CHSY1: variants seen among roughly 807,000 people sequenced by gnomAD.
CHSY1 encodes N-acetylgalactosaminyl-proteoglycan 3-beta-glucuronosyltransferase 1.
In CHSY1, 13 loss-of-function variants were observed where a neutral mutation model predicts 59.8. The ratio of observed to expected loss-of-function variants is 0.22; its 90% confidence interval spans 0.14 to 0.35. CHSY1 has a LOEUF of 0.35. Among genes scored for constraint, CHSY1 ranks in the 10% least tolerant of loss-of-function variants. The pLI, the probability that CHSY1 is intolerant of heterozygous loss-of-function variation, is 1.00. For missense variants in CHSY1, 947 were observed against 1,030.6 expected, an observed-to-expected ratio of 0.92 and a Z score of 1.11; for synonymous variants, 459 against 401.2, an observed-to-expected ratio of 1.14 and a Z score of -1.72.
At chr15:101,245,045 G>A (rs1438119310) in intron 1 of CHSY1, among the ~76,000 whole-genome samples, 1 of 152,184 alleles carries the variant, frequency 6.6e-6, no homozygotes, top group Admixed American at 6.5e-5. Flanking sequence ...GCTCTAGCTA[G>A]GTACCGGTAC....
intron 2 of CHSY1, among the ~76,000 whole-genome samples, chr15:101,190,435 GGAA>G: frequency 6.6e-6 from 1 of 152,188 alleles, no homozygotes. Flanking sequence ...TCCAAATGCA[GGAA>G]GATGAAACGA....
chr15:101,251,143 G>C lies in CHSY1; in HGVS notation c.314C>G (p.Ala105Gly). The C allele has an allele frequency of 6.3e-7, 1 of 1,586,324 alleles. No homozygotes were observed. Among genetic ancestry groups the C allele is most frequent in the Non-Finnish European group, 8.5e-7 (1 of 1,170,672 alleles). ...QKYLQTRAVA[A>G]YRTWSKTIPG... ...CCGGGGAGCAGGGGCTCACCTGTAG[G>C]CGGCCACGGCCCGAGTCTGCAGGTA... Residue 105 changes from alanine (A) to glycine (G), a missense_variant, in exon 1 of 3, where the codon GCC becomes GGC. Ala to Gly is a moderately conservative substitution (Grantham distance 60). This residue lies in a region of CHSY1 where 232 missense variants were observed against 188.5 expected (regional missense o/e 1.23). Coordinates refer to ENST00000254190, the MANE Select transcript of CHSY1 (RefSeq NM_014918.5).
chr15:101,227,282 T>A (rs2038849793), intron 2 of CHSY1, among the ~76,000 whole-genome samples: 1 of 152,144 alleles, frequency 6.6e-6, no homozygotes, highest in Non-Finnish European at 1.5e-5. Context: ...CAAAGAACTG[T>A]CATTATCTGA....
chr15:101,251,032 G>A lies in CHSY1; in HGVS notation c.320+105C>T, dbSNP rs1182627572. ...CAACCCGATCCCGCCGGAAGCCCAA[G>A]AAGGGCCTAGGAAGCGGGCGGAGGC... On this transcript the variant is annotated intron_variant, in intron 1 of 2. Transcript: ENST00000254190. The A allele has an allele frequency of 7.2e-6, 8 of 1,109,326 alleles. No individual in the cohort carries two copies. In the Admixed American group the frequency reaches 1.1e-4, roughly 15 times the overall value. The allele number at this position is 1,109,326 out of a possible 1,614,324, so 68.7% of individuals were successfully genotyped here.
intron 2 of CHSY1, among the ~76,000 whole-genome samples, chr15:101,216,685 G>C (rs2038736712): frequency 1.4e-5 from 2 of 141,276 alleles, no homozygotes; most frequent in African/African-American, 2.6e-5. Flanking sequence ...CAAAACTACG[G>C]AGACAGTAAA....
At chr15:101,210,037 C>A (rs1402836593) in intron 2 of CHSY1, among the ~76,000 whole-genome samples, 1 of 152,206 alleles carries the variant, frequency 6.6e-6, no homozygotes, top group Non-Finnish European at 1.5e-5. Flanking sequence ...TCCGTTATTT[C>A]TCTTCCTGCC....
chr15:101,241,560 A>T (rs193028325), intron 1 of CHSY1, among the ~76,000 whole-genome samples: 1 of 152,322 alleles, frequency 6.6e-6, no homozygotes, highest in Non-Finnish European at 1.5e-5. Flanking sequence ...TTTTTATCCA[A>T]CAAGAAAAAC....
chr15:101,194,307 TC>T (rs2038481735), intron 2 of CHSY1, among the ~76,000 whole-genome samples: 2 of 152,252 alleles, frequency 1.3e-5, no homozygotes, highest in Non-Finnish European at 2.9e-5. Context: ...TAATTAAATG[TC>T]TCTACTCCTC....
At position 101,235,149 on chromosome 15, in the gene CHSY1, T is replaced by G; in HGVS notation, c.749A>C (p.His250Pro). 6.2e-7 allele frequency: 1 copy of G among 1,614,100 alleles called. No individual in the cohort carries two copies. The highest frequency in any genetic ancestry group is 8.5e-7 in the Non-Finnish European group (1 of 1,180,028). ...ACACCTTCCCACCTCCACGTCCTCA[T>G]GGGTGGTGTACATCTCCCGGAGACA... ...GKCLREMYTT[H>P]EDVEVGRCVR... The change falls in exon 2 of 3, where the codon CAT becomes CCT. Residue 250 changes from histidine to proline, a missense_variant. By Grantham distance (77) the His-to-Pro change is moderately conservative (BLOSUM62 -2). This residue lies in a region of CHSY1 where 5 missense variants were observed against 20.8 expected (regional missense o/e 0.24). Coordinates refer to ENST00000254190, the MANE Select transcript of CHSY1 (RefSeq NM_014918.5).
chr15:101,181,702 T>C (rs781403908), intron 2 of CHSY1, among the ~76,000 whole-genome samples: 1 of 152,190 alleles, frequency 6.6e-6, no homozygotes, highest in Admixed American at 6.5e-5. Context: ...AGAACACACA[T>C]TGGAGACTTA....
intron 2 of CHSY1, among the ~76,000 whole-genome samples, chr15:101,197,684 A>G (rs1261705870): frequency 6.6e-6 from 1 of 152,224 alleles, no homozygotes; most frequent in Non-Finnish European, 1.5e-5. Context: ...ATAATGTTAA[A>G]TTACTATACA....
chr15:101,231,226 A>C (rs924462903), intron 2 of CHSY1, among the ~76,000 whole-genome samples: 1 of 152,220 alleles, frequency 6.6e-6, no homozygotes, highest in Non-Finnish European at 1.5e-5. Context: ...AACACTGCCG[A>C]AAGAACTGGA....
rs76000183 is a variant in CHSY1 at position 101,222,295 on chromosome 15, C to T, written c.816+12787G>A. 5.2e-3 allele frequency among the ~76,000 whole-genome samples: 799 copies of T among 152,266 alleles called. 7 individuals carry two copies. Among genetic ancestry groups the T allele is most frequent in the African/African-American group, 0.018 (727 of 41,532 alleles). On this transcript the variant is annotated intron_variant, in intron 2 of 2. Coordinates refer to ENST00000254190, the MANE Select transcript of CHSY1 (RefSeq NM_014918.5). ...CATCAGGATACAGAGGCAGAGACAG[C>T]GACATCATTTTTGTGTCCAATTATC... is the stretch of plus-strand genomic sequence containing the variant.
rs2038219008 is a variant in CHSY1 at position 101,178,115 on chromosome 15, G to C, written c.1682C>G (p.Pro561Arg). The C allele has an allele frequency of 6.2e-7, 1 of 1,613,998 alleles. No homozygotes were observed. Among genetic ancestry groups the C allele is most frequent in the South Asian group, 1.1e-5 (1 of 91,084 alleles). The change falls in exon 3 of 3, where the codon CCC becomes CGC. Residue 561 changes from proline to arginine, a missense_variant. Physicochemically the swap from Pro to Arg is moderately radical, Grantham distance 103. Coordinates refer to ENST00000254190, the MANE Select transcript of CHSY1 (RefSeq NM_014918.5). The part of the protein sequence containing the change: ...MGNFEKTCLI[P>R]NQNVKLVVLL... ...AACCACGAGCTTGACGTTCTGATTG[G>C]GGATAAGACACGTCTTCTCAAAGTT...
intron 1 of CHSY1, among the ~76,000 whole-genome samples, chr15:101,240,262 G>A (rs1161141987): frequency 6.6e-6 from 1 of 152,150 alleles, no homozygotes; most frequent in African/African-American, 2.4e-5. Flanking sequence ...AACATAAATC[G>A]TGATTCACCA....
chr15:101,196,880 T>A lies in CHSY1; in HGVS notation c.817-17900A>T, dbSNP rs55817143. Among the ~76,000 whole-genome samples the A allele has an allele frequency of 2.1e-4, 32 of 152,254 alleles. No homozygotes were observed. In the South Asian group the frequency reaches 3.7e-3, roughly 18 times the overall value. On this transcript the variant is annotated intron_variant, in intron 2 of 2. Coordinates refer to ENST00000254190, the MANE Select transcript of CHSY1 (RefSeq NM_014918.5). ...TTGTATTTGAAAGAAAAAATAATTT[T>A]AAAAAAACCCTTCAATATACCACAT...
chr15:101,214,897 G>C (rs1422040781), intron 2 of CHSY1, among the ~76,000 whole-genome samples: 1 of 151,796 alleles, frequency 6.6e-6, no homozygotes, highest in Non-Finnish European at 1.5e-5. Context: ...GCTGGATCAT[G>C]GAGGTGGATT....
At chr15:101,189,899 G>A (rs369878874) in intron 2 of CHSY1, among the ~76,000 whole-genome samples, 116 of 152,352 alleles carry the variant, frequency 7.6e-4, no homozygotes, top group African/African-American at 2.5e-3. Flanking sequence ...AAGGGTTCCC[G>A]CAGCCCAGCT....
rs141105757 is a variant in CHSY1 at position 101,196,084 on chromosome 15, A to G, written c.817-17104T>C. 9.0e-3 allele frequency among the ~76,000 whole-genome samples: 1,374 copies of G among 152,176 alleles called. 22 individuals are homozygous for G. The highest frequency in any genetic ancestry group is 0.032 in the African/African-American group (1,314 of 41,502). On this transcript the variant is annotated intron_variant, in intron 2 of 2. Transcript: ENST00000254190. ...GCTAACGTGGTGAAACCCTGTCTCTACTAAAAATACAAAAATTAGCCAGGT... is the reference window on the plus strand; with the variant it reads ...GCTAACGTGGTGAAACCCTGTCTCTGCTAAAAATACAAAAATTAGCCAGGT...
Sources: gnomAD v4.1 joint callset for allele counts (sites outside exome capture counted in the v4.1 genomes callset) on GRCh38, gnomAD v4.1.1 for gene constraint, gnomAD v4.1.1 regional missense constraint, MANE v1.5 for transcripts, NCBI Gene and HGNC (gene_info 2026-07-23, HGNC 2026-07-21) for gene names.